The following SHANK2 variants were observed in gnomAD, a reference collection of about 807,000 sequenced individuals.
SHANK2 encodes SH3 and multiple ankyrin repeat domains protein 2.
SHANK2 carries 43 observed loss-of-function variants against 133.7 expected under a neutral mutation model. That is an observed-to-expected ratio of 0.32 (90% CI 0.25 to 0.41). The LOEUF is 0.41. SHANK2 is among the 10% of genes least tolerant of loss of function. The probability of loss-of-function intolerance (pLI) is 1.00; values close to 1 mark genes in which losing one functional copy is unlikely to be tolerated. For synonymous variants in SHANK2, 1,017 were observed against 952.8 expected (o/e 1.07, Z -1.24); for missense variants, 1,994 against 2,235.8 (o/e 0.89, Z 2.18).
intron 12 of SHANK2, among the ~76,000 whole-genome samples, chr11:70,813,557 A>C (rs1948321347): frequency 6.6e-6 from 1 of 152,022 alleles, no homozygotes; most frequent in Non-Finnish European, 1.5e-5. Flanking sequence ...GACCTACTCA[A>C]GGTGGGTAGG....
At chr11:70,504,774 T>C (rs2059113219) in intron 17 of SHANK2, among the ~76,000 whole-genome samples, 1 of 151,040 alleles carries the variant, frequency 6.6e-6, no homozygotes, top group Non-Finnish European at 1.5e-5. Flanking sequence ...AGGAGCCGGA[T>C]CGAGGAAGAC....
intron 17 of SHANK2, among the ~76,000 whole-genome samples, chr11:70,596,445 A>AC (rs1386908027): frequency 6.6e-6 from 1 of 151,640 alleles, no homozygotes; most frequent in African/African-American, 2.4e-5. Flanking sequence ...AGCTCTGAGG[A>AC]CCCCCTACCC....
At chr11:70,812,367 G>A (rs1194619901) in intron 12 of SHANK2, among the ~76,000 whole-genome samples, 2 of 152,230 alleles carry the variant, frequency 1.3e-5, no homozygotes, top group Non-Finnish European at 2.9e-5. Context: ...ATGCTCACAT[G>A]TCTTCTTATT....
At chr11:70,787,622 A>T (rs1162834197) in intron 14 of SHANK2, among the ~76,000 whole-genome samples, 9 of 151,928 alleles carry the variant, frequency 5.9e-5, no homozygotes, top group African/African-American at 2.2e-4. Context: ...CACCAGCATC[A>T]CCACGATCAT....
chr11:70,679,836 C>T (rs1259629539), intron 15 of SHANK2, among the ~76,000 whole-genome samples: 1 of 152,222 alleles, frequency 6.6e-6, no homozygotes, highest in African/African-American at 2.4e-5. Context: ...GCCCCTCCCT[C>T]GGGACCCTGG....
At chr11:71,180,843 C>T (rs146616574) in intron 2 of SHANK2, among the ~76,000 whole-genome samples, 1 of 152,142 alleles carries the variant, frequency 6.6e-6, no homozygotes, top group African/African-American at 2.4e-5. Context: ...AGCAAAAATT[C>T]AGGGGCAAGG....
chr11:71,248,107 T>C (rs1954986597), intron 1 of SHANK2, among the ~76,000 whole-genome samples: 1 of 152,232 alleles, frequency 6.6e-6, no homozygotes, highest in Admixed American at 6.5e-5. Flanking sequence ...CTCTGGGTAG[T>C]GGGCATGGGC....
At chr11:71,168,588 C>G (rs1247758185) in intron 2 of SHANK2, among the ~76,000 whole-genome samples, 2 of 152,128 alleles carry the variant, frequency 1.3e-5, no homozygotes, top group Non-Finnish European at 2.9e-5. Flanking sequence ...TTCAGGATGC[C>G]GAGGCTGGCG....
intron 17 of SHANK2, among the ~76,000 whole-genome samples, chr11:70,654,757 G>A (rs1591710063): frequency 7.0e-6 from 1 of 143,544 alleles, no homozygotes. Flanking sequence ...ACCTGGTTTT[G>A]TTTTTGTTTT....
chr11:70,795,083 C>T lies in SHANK2; in HGVS notation c.1777+3360G>A, dbSNP rs78754116. ...ACTGTGGAATCCTCCCCGCCCTCCTCGACTCCTCTGTGCTGTGATCTTGGT... is the reference window on the plus strand; with the variant it reads ...ACTGTGGAATCCTCCCCGCCCTCCTTGACTCCTCTGTGCTGTGATCTTGGT... On this transcript the variant is annotated intron_variant, in intron 14 of 25. Transcript: ENST00000601538. Among the ~76,000 whole-genome samples the T allele has an allele frequency of 3.6e-4, 55 of 152,292 alleles. No homozygotes were observed. In the East Asian group the frequency reaches 9.5e-3, roughly 26 times the overall value.
chr11:70,771,563 C>T (rs1253653539), intron 14 of SHANK2, among the ~76,000 whole-genome samples: 7 of 152,172 alleles, frequency 4.6e-5, no homozygotes, highest in African/African-American at 1.2e-4. Flanking sequence ...TCGGGTCGGA[C>T]GATGGCTCCA....
chr11:71,166,060 G>A (rs1953141622), intron 2 of SHANK2, among the ~76,000 whole-genome samples: 1 of 152,180 alleles, frequency 6.6e-6, no homozygotes, highest in South Asian at 2.1e-4. Context: ...ACACACTACT[G>A]CTCGCCTGGT....
intron 14 of SHANK2, among the ~76,000 whole-genome samples, chr11:70,772,824 A>C (rs1947281433): frequency 6.6e-6 from 1 of 152,170 alleles, no homozygotes; most frequent in South Asian, 2.1e-4. Context: ...GTTTCTTTTC[A>C]AATTTATCAT....
At chr11:70,547,950 G>A (rs1162740417) in intron 17 of SHANK2, among the ~76,000 whole-genome samples, 9 of 152,246 alleles carry the variant, frequency 5.9e-5, no homozygotes, top group Non-Finnish European at 7.3e-5. Context: ...AACTAGAACC[G>A]GAAACATCCT....
Position 70,535,403 on chromosome 11 carries a change from A to G in SHANK2, c.2062-32472T>C, listed in dbSNP as rs550187082. 4.0e-5 allele frequency among the ~76,000 whole-genome samples: 6 copies of G among 151,286 alleles called. No individual in the cohort carries two copies. In the East Asian group the frequency reaches 1.2e-3, roughly 30 times the overall value. On this transcript the variant is annotated intron_variant, in intron 17 of 25. Transcript: ENST00000601538. The surrounding 1 kb of genome is among the most constrained non-coding windows in gnomAD (Gnocchi z 4.3). ...ATCCATCAGTCTAACCAGTCCATCC[A>G]TTTATCCATCATCCATCCATCCATC...
intron 8 of SHANK2, among the ~76,000 whole-genome samples, chr11:71,081,345 A>G (rs959900460): frequency 0.029 from 4,423 of 152,314 alleles, 88 homozygotes; most frequent in Middle Eastern, 0.065. Flanking sequence ...GGGTCTACTA[A>G]TGTGTGCTGT....
At chr11:70,555,378 C>T (rs1051183191) in intron 17 of SHANK2, among the ~76,000 whole-genome samples, 3 of 152,204 alleles carry the variant, frequency 2.0e-5, no homozygotes, top group Non-Finnish European at 2.9e-5. Context: ...CTGAGACAGG[C>T]TGAAAGCTAG....
intron 14 of SHANK2, among the ~76,000 whole-genome samples, chr11:70,773,113 G>T (rs1179222545): frequency 1.3e-5 from 2 of 152,184 alleles, no homozygotes; most frequent in Non-Finnish European, 2.9e-5. Flanking sequence ...AGCTGAACCA[G>T]AGAGAGGCCT....
At chr11:71,110,123 G>A (rs1408482486) in intron 5 of SHANK2, 74 bp from the exon 6 acceptor site, 24 of 1,134,256 alleles carry the variant, frequency 2.1e-5, no homozygotes, top group African/African-American at 3.1e-5. Flanking sequence ...GTGAGACCCC[G>A]TCTCTACAAA....
Sources: gnomAD v4.1 joint callset for allele counts (sites outside exome capture counted in the v4.1 genomes callset) on GRCh38, gnomAD v4.1.1 for gene constraint, Gnocchi (gnomAD v3.1) non-coding constraint, MANE v1.5 for transcripts, NCBI Gene and HGNC (gene_info 2026-07-23, HGNC 2026-07-21) for gene names.